ZNF487: variants seen among roughly 807,000 people sequenced by gnomAD.
ZNF487 encodes the protein KRAB domain only 1.
Under a neutral mutation model 3.0 loss-of-function variants are expected in ZNF487, and 4 were observed. The observed-to-expected ratio is 1.35, with a 90% CI of 0.66 to 3.08. The LOEUF (loss-of-function observed/expected upper bound fraction) is 3.08. Ranked by LOEUF, ZNF487 falls within the 30% of genes most tolerant of loss-of-function variation. The pLI is 0.01. For synonymous variants in ZNF487, 55 were observed against 34.6 expected (o/e 1.59, Z -2.06); for missense variants, 146 against 98.7 (o/e 1.48, Z -2.03).
chr10:43,438,894 A>G (rs1396838031), intron 1 of ZNF487, among the ~76,000 whole-genome samples: 2 of 152,034 alleles, frequency 1.3e-5, no homozygotes, highest in Non-Finnish European at 2.9e-5. Flanking sequence ...CAGCCTGAGC[A>G]ACATAGCGAG....
the ZNF487 span, among the ~76,000 whole-genome samples, chr10:43,489,051 G>A: frequency 7.9e-5 from 12 of 152,228 alleles, no homozygotes; most frequent in African/African-American, 2.2e-4. Context: ...TCAATGGTGT[G>A]GTGAACAGTG....
At chr10:43,443,091 T>TTGC (rs1030717312) in intron 1 of ZNF487, among the ~76,000 whole-genome samples, 9 of 150,668 alleles carry the variant, frequency 6.0e-5, no homozygotes, top group Admixed American at 4.6e-4. Context: ...AGACAGAGTT[T>TTGC]TGCTCTTGTC....
At chr10:43,478,303 C>T (rs1415495992) in intron 3 of ZNF487, among the ~76,000 whole-genome samples, 1 of 152,152 alleles carries the variant, frequency 6.6e-6, no homozygotes, top group Non-Finnish European at 1.5e-5. Flanking sequence ...GCCTAGAATC[C>T]CAGCACTTTG....
intron 1 of ZNF487, among the ~76,000 whole-genome samples, chr10:43,469,711 G>A (rs1840836391): frequency 6.6e-6 from 1 of 151,978 alleles, no homozygotes; most frequent in African/African-American, 2.4e-5. Context: ...CACTTTGGGA[G>A]GCCAAAGTGG....
chr10:43,470,267 C>T (rs1009231427), intron 1 of ZNF487, among the ~76,000 whole-genome samples: 22 of 151,076 alleles, frequency 1.5e-4, no homozygotes, highest in African/African-American at 5.1e-4. Flanking sequence ...GGCTGGAGTG[C>T]AGTGGTGCCA....
At chr10:43,447,016 AC>A (rs989868702) in intron 1 of ZNF487, among the ~76,000 whole-genome samples, 5 of 150,750 alleles carry the variant, frequency 3.3e-5, no homozygotes, top group African/African-American at 1.2e-4. Context: ...ACACGGCGAA[AC>A]CCCGTCTCCA....
intron 1 of ZNF487, among the ~76,000 whole-genome samples, chr10:43,460,101 C>T (rs111743914): frequency 1.3e-4 from 19 of 151,580 alleles, no homozygotes; most frequent in Admixed American, 5.3e-4. Context: ...CGTGCCCGGC[C>T]GTTGAATTAT....
At chr10:43,523,777 T>G in the ZNF487 span, 1 of 152,176 alleles carries the variant, frequency 6.6e-6, no homozygotes, top group South Asian at 2.1e-4. Flanking sequence ...CCAAACCTCC[T>G]TGTTCATCAG....
chr10:43,495,085 T>A, the ZNF487 span, among the ~76,000 whole-genome samples: 1 of 152,160 alleles, frequency 6.6e-6, no homozygotes, highest in African/African-American at 2.4e-5. Flanking sequence ...TTACTTATAA[T>A]CATCTAGCTC....
intron 1 of ZNF487, among the ~76,000 whole-genome samples, chr10:43,473,081 T>G (rs1490262203): frequency 1.3e-5 from 2 of 149,620 alleles, no homozygotes; most frequent in Non-Finnish European, 3.0e-5. Flanking sequence ...ATCCTTTGTA[T>G]ATGGTGACTT....
At chr10:43,453,108 G>A (rs1341462461) in intron 1 of ZNF487, 1 of 152,058 alleles carries the variant, frequency 6.6e-6, no homozygotes. Flanking sequence ...TGAGGCCAGC[G>A]GTGTCTGCCT....
the ZNF487 span, among the ~76,000 whole-genome samples, chr10:43,489,437 T>C: frequency 6.6e-6 from 1 of 152,196 alleles, no homozygotes; most frequent in African/African-American, 2.4e-5. Context: ...CACTGCAACC[T>C]CCACCTCCTG....
chr10:43,522,426 A>G, the ZNF487 span, among the ~76,000 whole-genome samples: 2 of 152,144 alleles, frequency 1.3e-5, no homozygotes, highest in African/African-American at 2.4e-5. Flanking sequence ...AAAAGAAATC[A>G]GAGATAGAGC....
chr10:43,506,353 T>A, the ZNF487 span, among the ~76,000 whole-genome samples: 1 of 151,686 alleles, frequency 6.6e-6, no homozygotes, highest in South Asian at 2.1e-4. Context: ...GTACAAAAAA[T>A]TGAAAAATTA....
chr10:43,456,364 A>T (rs1292874167), intron 1 of ZNF487, among the ~76,000 whole-genome samples: 1 of 152,178 alleles, frequency 6.6e-6, no homozygotes, highest in Non-Finnish European at 1.5e-5. Context: ...GACGAGGCTG[A>T]GGAAGAGCAC....
At chr10:43,464,934 C>T (rs1456978018) in intron 1 of ZNF487, among the ~76,000 whole-genome samples, 2 of 152,040 alleles carry the variant, frequency 1.3e-5, no homozygotes, top group African/African-American at 2.4e-5. Flanking sequence ...CCTCACTTCC[C>T]AGTAGGGGCG....
chr10:43,519,376 A>G, the ZNF487 span, among the ~76,000 whole-genome samples: 1 of 152,196 alleles, frequency 6.6e-6, no homozygotes, highest in South Asian at 2.1e-4. Context: ...TTAGACTTAA[A>G]ATGTAAAACT....
At chr10:43,475,425 G>C (rs1205114622) in intron 1 of ZNF487, among the ~76,000 whole-genome samples, 1 of 151,774 alleles carries the variant, frequency 6.6e-6, no homozygotes, top group Non-Finnish European at 1.5e-5. Flanking sequence ...TGAGGTGGCA[G>C]AATCGCTTGT....
At chr10:43,491,783 C>T in the ZNF487 span, among the ~76,000 whole-genome samples, 1 of 151,622 alleles carries the variant, frequency 6.6e-6, no homozygotes, top group Non-Finnish European at 1.5e-5. Flanking sequence ...TTCTTCTTTC[C>T]AGGAGTTAGC....
Sources: gnomAD v4.1 joint callset for allele counts (sites outside exome capture counted in the v4.1 genomes callset) on GRCh38, gnomAD v4.1.1 for gene constraint, MANE v1.5 for transcripts, NCBI Gene and HGNC (gene_info 2026-07-23, HGNC 2026-07-21) for gene names.